Variants in WWOX observed in about 807,000 individuals in gnomAD.
WWOX encodes WW domain containing oxidoreductase, also known as WW domain-containing oxidoreductase.
WWOX carries 69 observed loss-of-function variants against 46.2 expected under a neutral mutation model. The observed-to-expected ratio is 1.49, with a 90% CI of 1.23 to 1.82. The LOEUF (loss-of-function observed/expected upper bound fraction) is 1.82, where lower values mean the gene tolerates loss of function less well. Among genes scored for constraint, WWOX ranks in the 40% most tolerant of loss-of-function variants. WWOX has a pLI of 0.00. For synonymous variants in WWOX, 359 were observed against 202.6 expected, an observed-to-expected ratio of 1.77 and a Z score of -6.56; for missense variants, 919 against 542.6, an observed-to-expected ratio of 1.69 and a Z score of -6.89.
chr16:78,180,423 C>G (rs1411859069), intron 5 of WWOX, among the ~76,000 whole-genome samples: 3 of 151,890 alleles, frequency 2.0e-5, no homozygotes, highest in South Asian at 2.1e-4. Flanking sequence ...CAGCTGCACC[C>G]AAGAGTAGGG....
chr16:78,528,351 C>A (rs9927908), intron 8 of WWOX, among the ~76,000 whole-genome samples: 1 of 151,284 alleles, frequency 6.6e-6, no homozygotes, highest in African/African-American at 2.4e-5. Context: ...GATAGTCCAA[C>A]CTCCTGTACT....
intron 8 of WWOX, among the ~76,000 whole-genome samples, chr16:79,074,883 T>TG (rs71911804): frequency 6.6e-6 from 1 of 150,628 alleles, no homozygotes; most frequent in African/African-American, 2.4e-5. Flanking sequence ...ACAGAACCTT[T>TG]AAAAAAAAAG....
At chr16:78,261,282 G>C (rs7189041) in intron 5 of WWOX, among the ~76,000 whole-genome samples, 117,492 of 139,710 alleles carry the variant, frequency 0.84, 48,596 homozygotes, top group East Asian at 0.92. Context: ...TAGATAGATA[G>C]ATACATACAT....
At chr16:79,050,212 G>A (rs538016939) in intron 8 of WWOX, among the ~76,000 whole-genome samples, 52 of 152,290 alleles carry the variant, frequency 3.4e-4, no homozygotes, top group African/African-American at 1.2e-3. Flanking sequence ...TGCCCTACTG[G>A]TCCTGCTGGT....
intron 8 of WWOX, among the ~76,000 whole-genome samples, chr16:79,173,657 C>T (rs898871539): frequency 3.3e-5 from 5 of 150,726 alleles, no homozygotes; most frequent in Non-Finnish European, 5.9e-5. Context: ...AAAAAACCCA[C>T]CTAGTGAAAC....
intron 8 of WWOX, chr16:78,825,633 G>C (rs1453829537): frequency 3.9e-6 from 2 of 517,968 alleles, no homozygotes; most frequent in African/African-American, 3.8e-5. Context: ...GAGGGCCTGC[G>C]ATGGTGGGCT....
At chr16:78,922,977 C>CT (rs1313266562) in intron 8 of WWOX, among the ~76,000 whole-genome samples, 2 of 27,978 alleles carry the variant, frequency 7.1e-5, no homozygotes, top group Admixed American at 5.9e-4. Flanking sequence ...ATAATTCTTT[C>CT]TCTTTTCTTT....
chr16:78,408,559 C>T (rs138672098), intron 6 of WWOX, among the ~76,000 whole-genome samples: 1 of 152,318 alleles, frequency 6.6e-6, no homozygotes, highest in East Asian at 1.9e-4. Context: ...AGCAGAAAGA[C>T]TGTATCACAG....
intron 8 of WWOX, among the ~76,000 whole-genome samples, chr16:79,145,977 C>G (rs1047992081): frequency 6.6e-6 from 1 of 152,078 alleles, no homozygotes; most frequent in African/African-American, 2.4e-5. Context: ...AAAATATCAG[C>G]TAAAAAGGGG....
intron 8 of WWOX, among the ~76,000 whole-genome samples, chr16:79,009,147 T>C (rs2047252916): frequency 6.6e-6 from 1 of 152,212 alleles, no homozygotes; most frequent in African/African-American, 2.4e-5. Flanking sequence ...TCATCTTCCC[T>C]GCTAAAAAGG....
chr16:78,915,241 G>T (rs1211017045), intron 8 of WWOX, among the ~76,000 whole-genome samples: 1 of 152,122 alleles, frequency 6.6e-6, no homozygotes. Flanking sequence ...GATTAAGAGG[G>T]TTCCCTTTAC....
chr16:78,900,633 G>C (rs903082376), intron 8 of WWOX, among the ~76,000 whole-genome samples: 1 of 152,080 alleles, frequency 6.6e-6, no homozygotes, highest in Non-Finnish European at 1.5e-5. Flanking sequence ...TTTCCAGCCT[G>C]TCTTTCCTCT....
At chr16:78,149,880 G>T (rs1201035942) in intron 4 of WWOX, among the ~76,000 whole-genome samples, 1 of 152,166 alleles carries the variant, frequency 6.6e-6, no homozygotes, top group African/African-American at 2.4e-5. Context: ...GAAACACTGT[G>T]TCTTCCTCTT....
intron 8 of WWOX, among the ~76,000 whole-genome samples, chr16:78,783,965 G>T (rs1177870668): frequency 2.0e-5 from 3 of 151,918 alleles, no homozygotes; most frequent in Admixed American, 2.0e-4. Flanking sequence ...GGTGATGCTG[G>T]TGATGATGAT....
chr16:78,852,250 G>A (rs572319010), intron 8 of WWOX, among the ~76,000 whole-genome samples: 8 of 152,318 alleles, frequency 5.3e-5, no homozygotes, highest in African/African-American at 1.9e-4. Context: ...TTACATTGCA[G>A]TATATTTCTC....
chr16:78,758,897 C>T (rs140666435), intron 8 of WWOX, among the ~76,000 whole-genome samples: 2 of 150,724 alleles, frequency 1.3e-5, no homozygotes, highest in Non-Finnish European at 2.9e-5. Flanking sequence ...TCTTCCCAAG[C>T]CAGCATTTTA....
At position 78,114,862 on chromosome 16, in the gene WWOX, G is replaced by T. The variant is rs72802910; in HGVS notation, c.231-114G>T. On this transcript the variant is annotated intron_variant, in intron 3 of 8. Coordinates refer to ENST00000566780, the MANE Select transcript of WWOX (RefSeq NM_016373.4). ...TGGGCCCCAGTTCTTTCAGGTTTAA[G>T]GAATAAGCATTTTGGTCTATGAAAA... The T allele has an allele frequency of 3.9e-3, 5,329 of 1,357,544 alleles. 24 individuals carry two copies. Among genetic ancestry groups the T allele is most frequent in the Middle Eastern group, 0.024 (93 of 3,932 alleles). 84.1% of individuals were successfully genotyped at this position (1,357,544 alleles called of 1,614,324 possible). A position where few individuals can be genotyped will look rare whatever the true frequency, so the allele number is the denominator to read the frequency against.
intron 8 of WWOX, among the ~76,000 whole-genome samples, chr16:79,062,895 GA>G (rs911652340): frequency 1.3e-5 from 2 of 152,026 alleles, no homozygotes; most frequent in South Asian, 2.1e-4. Context: ...CTCAATCCAG[GA>G]AAAAAAATAA....
chr16:78,919,029 C>G (rs1027299722), intron 8 of WWOX, among the ~76,000 whole-genome samples: 4 of 152,108 alleles, frequency 2.6e-5, no homozygotes, highest in African/African-American at 9.7e-5. Flanking sequence ...TGTGTAACTT[C>G]GTTAAGTTCA....
Sources: gnomAD v4.1 joint callset for allele counts (sites outside exome capture counted in the v4.1 genomes callset) on GRCh38, gnomAD v4.1.1 for gene constraint, MANE v1.5 for transcripts, NCBI Gene and HGNC (gene_info 2026-07-23, HGNC 2026-07-21) for gene names.